Variants in TIMM22 observed in about 807,000 individuals in gnomAD.
TIMM22 encodes mitochondrial import inner membrane translocase subunit Tim22.
Under a neutral mutation model 18.3 loss-of-function variants are expected in TIMM22, and 12 were observed. That is an observed-to-expected ratio of 0.65 (90% CI 0.42 to 1.06). The LOEUF (loss-of-function observed/expected upper bound fraction) is 1.06, where lower values mean the gene tolerates loss of function less well. Among genes scored for constraint, TIMM22 ranks in the 50% least tolerant of loss-of-function variants. The probability of loss-of-function intolerance (pLI) is 0.00; values close to 1 mark genes in which losing one functional copy is unlikely to be tolerated. For missense variants in TIMM22, 278 were observed against 252.8 expected, an observed-to-expected ratio of 1.10 and a Z score of -0.68; for synonymous variants, 107 against 98.5, an observed-to-expected ratio of 1.09 and a Z score of -0.51.
chr17:999,685 C>A, intron 3 of TIMM22, 101 bp downstream of exon 3: 1 of 1,094,418 alleles, frequency 9.1e-7, no homozygotes, highest in Non-Finnish European at 1.4e-6. Flanking sequence ...ACTTGATCTT[C>A]TTCCCTCTGA....
chr17:999,689 C>A, intron 3 of TIMM22, 105 bp downstream of exon 3: 1 of 1,065,812 alleles, frequency 9.4e-7, no homozygotes, highest in Non-Finnish European at 1.4e-6. Flanking sequence ...GATCTTCTTC[C>A]CTCTGACAAA....
chr17:999,358 T>TACACAC (rs1555524935), intron 2 of TIMM22, among the ~76,000 whole-genome samples, 154 bp from the exon 3 acceptor site: 6 of 132,598 alleles, frequency 4.5e-5, no homozygotes, highest in African/African-American at 1.9e-4. Flanking sequence ...TATATATATA[T>TACACAC]ACACGCTGTA....
intron 3 of TIMM22, 150 bp downstream of exon 3, chr17:999,734 G>A: frequency 1.2e-6 from 1 of 801,346 alleles, no homozygotes; most frequent in Non-Finnish European, 2.0e-6. Flanking sequence ...ACTCGGTTTT[G>A]GAAACTTGTA....
Position 1,001,034 on chromosome 17 carries a change from T to C in TIMM22, c.531T>C (p.Ile177=). 6.2e-7 allele frequency: 1 copy of C among 1,614,068 alleles called. No homozygotes were observed. Among genetic ancestry groups the C allele is most frequent in the Non-Finnish European group, 8.5e-7 (1 of 1,179,986 alleles). The change falls in exon 4 of 4, where the codon ATT becomes ATC. Residue 177 remains isoleucine (I), a synonymous_variant. Coordinates refer to ENST00000327158, the MANE Select transcript of TIMM22 (RefSeq NM_013337.4). ...GFRAGLKAGA[I]GCGGFAAFSA... is the part of the protein sequence containing the mutation. ...CAGCTGGCTTAAAGGCTGGGGCCAT[T>C]GGTTGTGGAGGTTTTGCTGCTTTCT...
chr17:1,001,039 G>A lies in TIMM22; in HGVS notation c.536G>A (p.Cys179Tyr). 1 of 1,614,112 alleles carries A rather than the reference G, an allele frequency of 6.2e-7. No individual in the cohort carries two copies. The highest frequency in any genetic ancestry group is 8.5e-7 in the Non-Finnish European group (1 of 1,179,996). ...GGCTTAAAGGCTGGGGCCATTGGTT[G>A]TGGAGGTTTTGCTGCTTTCTCTGCT... ...RAGLKAGAIG[C>Y]GGFAAFSAAI... Residue 179 changes from cysteine to tyrosine, a missense_variant, in exon 4 of 4, where the codon TGT (cysteine) becomes TAT (tyrosine). Coordinates refer to ENST00000327158, the MANE Select transcript of TIMM22 (RefSeq NM_013337.4).
rs746688632 is a variant in TIMM22 at position 997,285 on chromosome 17, G to A, written c.143G>A (p.Gly48Asp). ...CGGCTCCTGGAGCCTGGGAGCCTGG[G>A]CGGGATCCCAAGTCCAGCCAAGAGT... Reference protein sequence around the residue: ...QPRLLEPGSLGGIPSPAKSEE... With the variant: ...QPRLLEPGSLDGIPSPAKSEE... The change falls in exon 1 of 4, where the codon GGC becomes GAC. Residue 48 changes from glycine (G) to aspartate (D), a missense_variant. Transcript: ENST00000327158. The A allele has an allele frequency of 5.0e-6, 8 of 1,613,780 alleles. No individual in the cohort carries two copies. Among genetic ancestry groups the A allele is most frequent in the Non-Finnish European group, 6.8e-6 (8 of 1,179,970 alleles).
Position 1,002,148 on chromosome 17 carries a change from T to TAAAAAAAAAAAAAAA in TIMM22, c.*1065_*1079dup, listed in dbSNP as rs58985331. Reference sequence around the variant, plus strand: ...TGGCCTAGTTGTGTGCCATGGATATTAAAAAAAAAAAAAAAAAAATCCGTC... The same window carrying TAAAAAAAAAAAAAAA: ...TGGCCTAGTTGTGTGCCATGGATATTAAAAAAAAAAAAAAAAAAAAAAAAAAAAAAAAAATCCGTC... On this transcript the variant is annotated 3_prime_UTR_variant, in exon 4 of 4. Coordinates refer to ENST00000327158, the MANE Select transcript of TIMM22 (RefSeq NM_013337.4). 6.9e-6 allele frequency: 1 copy of TAAAAAAAAAAAAAAA among 145,690 alleles called. No homozygotes were observed. The allele number at this position is 145,690 out of a possible 1,614,324, so 9.0% of individuals were successfully genotyped here.
intron 3 of TIMM22, among the ~76,000 whole-genome samples, chr17:1,000,715 C>CT (rs1227061155): frequency 6.6e-6 from 1 of 152,222 alleles, no homozygotes; most frequent in Non-Finnish European, 1.5e-5. Flanking sequence ...AGGCCATATG[C>CT]TTTCATTTGA....
rs867022924 is a variant in TIMM22 at position 1,001,858 on chromosome 17, G to C, written c.*770G>C. The stretch of plus-strand genomic sequence containing the variant: ...CAGCCCAGCCTTTTCCTGGGATGCA[G>C]TGAAATCCCATCCATGAACTCGATG... On this transcript the variant is annotated 3_prime_UTR_variant, in exon 4 of 4. Transcript: ENST00000327158. 2 of 152,308 alleles carry C rather than the reference G, an allele frequency of 1.3e-5. No homozygotes were observed. Among genetic ancestry groups the C allele is most frequent in the Non-Finnish European group, 2.9e-5 (2 of 68,052 alleles). 9.4% of individuals were successfully genotyped at this position (152,308 alleles called of 1,614,324 possible).
At chr17:999,047 T>G in intron 2 of TIMM22, 72 bp downstream of exon 2, 1 of 1,487,868 alleles carries the variant, frequency 6.7e-7, no homozygotes, top group Non-Finnish European at 9.1e-7. Context: ...GAAATTGCTC[T>G]TTAAAAGTCA....
In TIMM22 at chr17:1,001,589, T is replaced by C. The variant is rs72812079; in HGVS notation, c.*501T>C. 1.9e-5 allele frequency: 3 copies of C among 154,396 alleles called. No individual in the cohort carries two copies. Among genetic ancestry groups the C allele is most frequent in the African/African-American group, 7.2e-5 (3 of 41,442 alleles). 9.6% of individuals were successfully genotyped at this position (154,396 alleles called of 1,614,324 possible). On this transcript the variant is annotated 3_prime_UTR_variant, in exon 4 of 4. Coordinates refer to ENST00000327158, the MANE Select transcript of TIMM22 (RefSeq NM_013337.4). The stretch of plus-strand genomic sequence containing the variant: ...TGTTCTGTCATCCTTGTTTTTTTTT[T>C]AAAAATACACTCCCCTCCCCCACCG...
intron 1 of TIMM22, among the ~76,000 whole-genome samples, chr17:998,352 C>T (rs1174204585): frequency 6.6e-6 from 1 of 152,150 alleles, no homozygotes; most frequent in Non-Finnish European, 1.5e-5. Flanking sequence ...AAAGGAGAGG[C>T]TAATAGCATC....
Position 997,180 on chromosome 17 carries a change from C to T in TIMM22, c.38C>T (p.Pro13Leu). The change falls in exon 1 of 4, where the codon CCT (proline) becomes CTT (leucine). Residue 13 changes from proline to leucine, a missense_variant. By Grantham distance (98) the Pro-to-Leu change is moderately conservative. Transcript: ENST00000327158. Reference protein sequence around the residue: ...AAAPNAGGSAPETAGSAEAPL... With the variant: ...AAAPNAGGSALETAGSAEAPL... ...GCCCCCAATGCCGGAGGCTCGGCCCCTGAGACAGCGGGTTCCGCCGAAGCT... is the reference window on the plus strand; with the variant it reads ...GCCCCCAATGCCGGAGGCTCGGCCCTTGAGACAGCGGGTTCCGCCGAAGCT... 6.2e-7 allele frequency: 1 copy of T among 1,611,802 alleles called. No individual in the cohort carries two copies. Among genetic ancestry groups the T allele is most frequent in the South Asian group, 1.1e-5 (1 of 91,032 alleles).
Position 1,001,026 on chromosome 17 carries a change from G to A in TIMM22, c.523G>A (p.Gly175Arg). Residue 175 changes from glycine (G) to arginine (R), a missense_variant, in exon 4 of 4, where the codon GGG becomes AGG. Gly to Arg is a moderately radical substitution (Grantham distance 125). Transcript: ENST00000327158. ...TTGTTTGACAGCTGGCTTAAAGGCT[G>A]GGGCCATTGGTTGTGGAGGTTTTGC... The part of the protein sequence containing the change: ...AIGFRAGLKA[G>R]AIGCGGFAAF... 1 of 1,614,060 alleles carries A rather than the reference G, an allele frequency of 6.2e-7. No individual in the cohort carries two copies. The highest frequency in any genetic ancestry group is 8.5e-7 in the Non-Finnish European group (1 of 1,179,964).
At chr17:1,000,604 C>T (rs1230931091) in intron 3 of TIMM22, among the ~76,000 whole-genome samples, 2 of 152,172 alleles carry the variant, frequency 1.3e-5, no homozygotes, top group African/African-American at 4.8e-5. Flanking sequence ...CCGGTCGTCC[C>T]ATTGTTCAGC....
In TIMM22 at chr17:998,780, A is replaced by G. The variant is rs1369008672; in HGVS notation, c.240A>G (p.Gly80=). ...AFKAALACVG[G]FVLGGAFGVF... ...CTTCATCTCTGTGTTTGCTTCTAGG[A>G]TTTGTCTTAGGAGGTGCATTTGGGG... Residue 80 remains glycine, a splice_region_variant and synonymous_variant, in exon 2 of 4, where the codon GGA becomes GGG. Coordinates refer to ENST00000327158, the MANE Select transcript of TIMM22 (RefSeq NM_013337.4). 6.2e-7 allele frequency: 1 copy of G among 1,610,894 alleles called. No homozygotes were observed. The highest frequency in any genetic ancestry group is 1.3e-5 in the African/African-American group (1 of 74,768).
At position 997,168 on chromosome 17, in the gene TIMM22, G is replaced by T. The variant is rs754917260; in HGVS notation, c.26G>T (p.Gly9Val). Reference sequence around the variant, plus strand: ...ATGGCGGCGGCCGCCCCCAATGCCGGAGGCTCGGCCCCTGAGACAGCGGGT... The same window carrying T: ...ATGGCGGCGGCCGCCCCCAATGCCGTAGGCTCGGCCCCTGAGACAGCGGGT... Reference protein sequence around the residue: MAAAAPNAGGSAPETAGSA... With the variant: MAAAAPNAVGSAPETAGSA... The change falls in exon 1 of 4, where the codon GGA becomes GTA. Residue 9 changes from glycine to valine, a missense_variant. Transcript: ENST00000327158. 1 of 1,610,178 alleles carries T rather than the reference G, an allele frequency of 6.2e-7. No individual in the cohort carries two copies. The highest frequency in any genetic ancestry group is 1.1e-5 in the South Asian group (1 of 90,968).
chr17:1,000,982 C>T (rs907553149), intron 3 of TIMM22, 30 bp from the exon 4 acceptor site: 7 of 1,613,282 alleles, frequency 4.3e-6, no homozygotes, highest in Non-Finnish European at 5.9e-6. Context: ...GCTGTCACCA[C>T]AGGTCATGTT....
At chr17:999,871 A>G (rs1246229978) in intron 3 of TIMM22, among the ~76,000 whole-genome samples, 1 of 151,344 alleles carries the variant, frequency 6.6e-6, no homozygotes, top group Non-Finnish European at 1.5e-5. Context: ...TACCCACGAG[A>G]TGCAAGTAGC....
Sources: allele counts gnomAD v4.1 joint callset (sites outside exome capture counted in the v4.1 genomes callset), GRCh38; gene constraint gnomAD v4.1.1; transcripts MANE v1.5; gene names NCBI Gene and HGNC (gene_info 2026-07-23, HGNC 2026-07-21).